FRMD5: variants seen among roughly 807,000 people sequenced by gnomAD.
The protein encoded by FRMD5 is FERM domain containing 5, also known as FERM domain-containing protein 5.
Under a neutral mutation model 69.0 loss-of-function variants are expected in FRMD5, and 20 were observed. That is an observed-to-expected ratio of 0.29 (90% CI 0.20 to 0.42). FRMD5 has a LOEUF of 0.42. FRMD5 is among the 10% of genes least tolerant of loss of function. The pLI is 1.00. For synonymous variants in FRMD5, 271 were observed against 260.1 expected (o/e 1.04, Z -0.40); for missense variants, 595 against 708.6 (o/e 0.84, Z 1.82).
chr15:44,039,489 C>A (rs1333521906), intron 1 of FRMD5, among the ~76,000 whole-genome samples: 9 of 152,198 alleles, frequency 5.9e-5, no homozygotes, highest in Admixed American at 3.9e-4. Flanking sequence ...AGGCAGCAAT[C>A]TTTGCTGTTC....
rs772452662 is a variant in FRMD5, at chr15:43,924,226, A to G, written c.186T>C (p.Phe62=). ...LLEKDYFGIR[F]VDPDKQRHWL... is the part of the protein sequence containing the mutation. ...TTACCCGCTGCTTATCTGGGTCTAC[A>G]AAGCGGATACCAAAATAGTCTTTCT... Residue 62 remains phenylalanine, a synonymous_variant, in exon 2 of 14, where the codon TTT becomes TTC. Transcript: ENST00000417257. 7.4e-6 allele frequency: 12 copies of G among 1,613,902 alleles called. No individual in the cohort carries two copies. Among genetic ancestry groups the G allele is most frequent in the African/African-American group, 1.3e-5 (1 of 74,930 alleles).
At chr15:44,009,478 G>A (rs1890614819) in intron 1 of FRMD5, among the ~76,000 whole-genome samples, 1 of 152,188 alleles carries the variant, frequency 6.6e-6, no homozygotes, top group Non-Finnish European at 1.5e-5. Flanking sequence ...CCAGGAGTGT[G>A]AGACCAGCAT....
At chr15:44,035,406 G>C (rs750597314) in intron 1 of FRMD5, among the ~76,000 whole-genome samples, 1 of 152,138 alleles carries the variant, frequency 6.6e-6, no homozygotes, top group African/African-American at 2.4e-5. Flanking sequence ...TGTTACTCTG[G>C]TGGTGTAAAG....
chr15:44,155,936 A>C (rs2077521009), intron 1 of FRMD5, among the ~76,000 whole-genome samples: 1 of 151,990 alleles, frequency 6.6e-6, no homozygotes, highest in African/African-American at 2.4e-5. Flanking sequence ...GACTAGGTGC[A>C]ATAAGGAATA....
At chr15:44,079,396 A>G (rs1482433552) in intron 1 of FRMD5, among the ~76,000 whole-genome samples, 1 of 152,154 alleles carries the variant, frequency 6.6e-6, no homozygotes, top group African/African-American at 2.4e-5. Context: ...TAAAAGTATC[A>G]TATGATCCAG....
chr15:44,187,585 G>T (rs2078123474), intron 1 of FRMD5, among the ~76,000 whole-genome samples: 1 of 146,166 alleles, frequency 6.8e-6, no homozygotes, highest in African/African-American at 2.6e-5. Context: ...TTTTTTTTTA[G>T]GAGACAGCGT....
intron 1 of FRMD5, among the ~76,000 whole-genome samples, chr15:44,015,392 T>G (rs1056489571): frequency 2.0e-5 from 3 of 152,160 alleles, no homozygotes; most frequent in Non-Finnish European, 4.4e-5. Flanking sequence ...CTCTTCTGTC[T>G]TGGCCTCCCA....
chr15:43,909,723 G>T (rs2089250849), intron 5 of FRMD5, among the ~76,000 whole-genome samples, 159 bp downstream of exon 5: 1 of 152,168 alleles, frequency 6.6e-6, no homozygotes, highest in Middle Eastern at 3.4e-3. Context: ...CAGGTGATCT[G>T]CCCACCTCGG....
intron 1 of FRMD5, among the ~76,000 whole-genome samples, chr15:44,172,210 C>T (rs984523997): frequency 6.6e-6 from 1 of 151,998 alleles, no homozygotes; most frequent in African/African-American, 2.4e-5. Context: ...CCCACCTCAG[C>T]CTCCTGAGTA....
chr15:44,013,230 A>G (rs1339115149), intron 1 of FRMD5, among the ~76,000 whole-genome samples: 2 of 152,176 alleles, frequency 1.3e-5, no homozygotes, highest in African/African-American at 4.8e-5. Flanking sequence ...CTTTACAAAA[A>G]CATTTTGAAA....
intron 1 of FRMD5, among the ~76,000 whole-genome samples, chr15:43,929,700 A>G (rs1054464901): frequency 1.1e-4 from 17 of 152,344 alleles, no homozygotes; most frequent in Non-Finnish European, 2.2e-4. Flanking sequence ...CCCTGGAGGA[A>G]GGGCAACAGT....
At chr15:43,970,029 T>C (rs1176871270) in intron 1 of FRMD5, among the ~76,000 whole-genome samples, 2 of 152,150 alleles carry the variant, frequency 1.3e-5, no homozygotes, top group Non-Finnish European at 2.9e-5. Context: ...TTTGACAAAA[T>C]GCAAATCACA....
intron 7 of FRMD5, among the ~76,000 whole-genome samples, chr15:43,893,267 C>T (rs1421056211): frequency 6.6e-6 from 1 of 151,774 alleles, no homozygotes; most frequent in Non-Finnish European, 1.5e-5. Flanking sequence ...AAGAAAAAAA[C>T]AAGAAGCAAC....
At chr15:44,181,142 C>T (rs931833540) in intron 1 of FRMD5, among the ~76,000 whole-genome samples, 8 of 152,082 alleles carry the variant, frequency 5.3e-5, no homozygotes, top group African/African-American at 1.9e-4. Flanking sequence ...GGGGCTCGAG[C>T]AATTATTCCA....
chr15:43,873,954 G>GTATT lies in FRMD5; in HGVS notation c.1640_1643dup (p.Tyr548Ter). Reference sequence around the variant, plus strand: ...CAAACCATCGCCTGAGGGGACAAAAGTATTGATAGTGGAATTGTTCAAACT... The same window carrying GTATT: ...CAAACCATCGCCTGAGGGGACAAAAGTATTTATTGATAGTGGAATTGTTCAAACT... On this transcript the variant is annotated stop_gained and frameshift_variant, in exon 14 of 14. Coordinates refer to ENST00000417257, the MANE Select transcript of FRMD5 (RefSeq NM_032892.5). LOFTEE classifies it high-confidence loss of function. 6.2e-7 allele frequency: 1 copy of GTATT among 1,614,226 alleles called. No homozygotes were observed. Among genetic ancestry groups the GTATT allele is most frequent in the Non-Finnish European group, 8.5e-7 (1 of 1,180,044 alleles).
At chr15:43,997,839 C>T (rs1890006713) in intron 1 of FRMD5, among the ~76,000 whole-genome samples, 1 of 152,094 alleles carries the variant, frequency 6.6e-6, no homozygotes, top group Non-Finnish European at 1.5e-5. Context: ...TTCCAAACAA[C>T]CACAATAAAA....
At chr15:43,951,214 A>T (rs2090021420) in intron 1 of FRMD5, among the ~76,000 whole-genome samples, 1 of 152,084 alleles carries the variant, frequency 6.6e-6, no homozygotes, top group African/African-American at 2.4e-5. Context: ...AGGTCAGGAG[A>T]TCGAGACCAT....
chr15:44,136,422 T>C (rs897312439), intron 1 of FRMD5, among the ~76,000 whole-genome samples: 51 of 152,320 alleles, frequency 3.3e-4, no homozygotes, highest in African/African-American at 1.2e-3. Flanking sequence ...AGAGTTAATA[T>C]TTTTATTCTA....
At chr15:43,971,008 G>A (rs746131909) in intron 1 of FRMD5, among the ~76,000 whole-genome samples, 1 of 152,026 alleles carries the variant, frequency 6.6e-6, no homozygotes, top group South Asian at 2.1e-4. Context: ...CCAATGCTTT[G>A]GGAGGGCGAG....
Sources: gnomAD v4.1 joint callset for allele counts (sites outside exome capture counted in the v4.1 genomes callset) on GRCh38, gnomAD v4.1.1 for gene constraint, MANE v1.5 for transcripts, NCBI Gene and HGNC (gene_info 2026-07-23, HGNC 2026-07-21) for gene names.